Variants in MAP2K5 observed in about 807,000 individuals in gnomAD.
The protein encoded by MAP2K5 is dual specificity mitogen-activated protein kinase kinase 5.
In MAP2K5, 49 loss-of-function variants were observed where a neutral mutation model predicts 83.1. The observed-to-expected ratio is 0.59, with a 90% CI of 0.47 to 0.75. The LOEUF is 0.75. Ranked by LOEUF, MAP2K5 falls within the 30% of genes least tolerant of loss-of-function variation. MAP2K5 has a pLI of 0.00. For synonymous variants in MAP2K5, 202 were observed against 191.8 expected (o/e 1.05, Z -0.44); for missense variants, 457 against 557.5 (o/e 0.82, Z 1.82).
intron 5 of MAP2K5, among the ~76,000 whole-genome samples, 170 bp from the exon 6 acceptor site, chr15:67,586,676 G>A (rs1422887897): frequency 6.6e-6 from 1 of 152,038 alleles, no homozygotes; most frequent in Non-Finnish European, 1.5e-5. Flanking sequence ...GTAATGTATG[G>A]GTTATACGGT....
chr15:67,748,118 C>A lies in MAP2K5; in HGVS notation c.1075-113C>A. ...ATTTTCATTATGTAAATTGTGTTAACACATGCCCACAAATTGCCACCAGCA... is the reference window on the plus strand; with the variant it reads ...ATTTTCATTATGTAAATTGTGTTAAAACATGCCCACAAATTGCCACCAGCA... On this transcript the variant is annotated intron_variant, in intron 17 of 21. Transcript: ENST00000178640. The surrounding 1 kb of genome is among the most constrained non-coding windows in gnomAD (Gnocchi z 4.0). 1.4e-6 allele frequency: 1 copy of A among 723,730 alleles called. No individual in the cohort carries two copies. The highest frequency in any genetic ancestry group is 2.5e-6 in the Non-Finnish European group (1 of 400,058). 44.8% of individuals were successfully genotyped at this position (723,730 alleles called of 1,614,324 possible).
At chr15:67,613,611 A>G (rs1489052735) in intron 8 of MAP2K5, among the ~76,000 whole-genome samples, 1 of 152,182 alleles carries the variant, frequency 6.6e-6, no homozygotes, top group Non-Finnish European at 1.5e-5. Context: ...GGTCTTGATT[A>G]AAATAAATCT....
rs769901653 is a variant in MAP2K5 at position 67,543,321 on chromosome 15, C to T, written c.-15C>T. ...GGTTTCCCATACCCCAGGATGTGAG[C>T]CTCTTTAACCTGTAATGCTGTGGCT... On this transcript the variant is annotated 5_prime_UTR_variant, in exon 1 of 22. Coordinates refer to ENST00000178640, the MANE Select transcript of MAP2K5 (RefSeq NM_145160.3). This position sits in a 1 kb window ranked among gnomAD's most constrained non-coding sequence, Gnocchi z 4.3. The T allele has an allele frequency of 1.9e-6, 3 of 1,614,100 alleles. No individual in the cohort carries two copies. The highest frequency in any genetic ancestry group is 3.3e-5 in the Admixed American group (2 of 60,026).
intron 17 of MAP2K5, among the ~76,000 whole-genome samples, chr15:67,742,948 T>C (rs4776968): frequency 0.98 from 149,197 of 152,278 alleles, 73,169 homozygotes; most frequent in East Asian, 1. Context: ...AATAATGTTT[T>C]GCTGTACCTC....
At chr15:67,548,701 C>G (rs1013152366) in intron 1 of MAP2K5, among the ~76,000 whole-genome samples, 1 of 152,162 alleles carries the variant, frequency 6.6e-6, no homozygotes, top group Non-Finnish European at 1.5e-5. Context: ...TCTGTACTCC[C>G]TTTACAGTTT....
chr15:67,674,264 G>A (rs1191564403), intron 13 of MAP2K5, among the ~76,000 whole-genome samples: 2 of 152,132 alleles, frequency 1.3e-5, no homozygotes, highest in Non-Finnish European at 2.9e-5. Flanking sequence ...TAGTATGTGC[G>A]TTCTTCCTTC....
At chr15:67,615,412 G>A (rs550595030) in intron 8 of MAP2K5, among the ~76,000 whole-genome samples, 1 of 152,238 alleles carries the variant, frequency 6.6e-6, no homozygotes, top group East Asian at 1.9e-4. Flanking sequence ...TTACATAAAA[G>A]CTTCTTTTTA....
intron 16 of MAP2K5, among the ~76,000 whole-genome samples, chr15:67,704,835 A>G (rs2088511243): frequency 6.6e-6 from 1 of 152,188 alleles, no homozygotes. Context: ...AATTGTTATC[A>G]TTTATTTTAT....
intron 19 of MAP2K5, among the ~76,000 whole-genome samples, chr15:67,751,353 G>A (rs565058834): frequency 1.3e-5 from 2 of 152,302 alleles, no homozygotes; most frequent in East Asian, 3.9e-4. Flanking sequence ...TCGCTGGCTA[G>A]CTCAGGTATA....
chr15:67,595,143 A>G lies in MAP2K5; in HGVS notation c.480+2169A>G, dbSNP rs149472342. Among the ~76,000 whole-genome samples, 28 of 152,320 alleles carry G rather than the reference A, an allele frequency of 1.8e-4. No individual in the cohort carries two copies. In the East Asian group the frequency reaches 5.0e-3, roughly 27 times the overall value. ...TCATATTAATCATTAAAAGAAAGGG[A>G]CATGATTCTTCAAGATAATCAAATA... is the stretch of plus-strand genomic sequence containing the variant. On this transcript the variant is annotated intron_variant, in intron 7 of 21. Coordinates refer to ENST00000178640, the MANE Select transcript of MAP2K5 (RefSeq NM_145160.3).
Position 67,705,492 on chromosome 15 carries a change from T to C in MAP2K5, c.1044+2084T>C, listed in dbSNP as rs942836858. ...GCTCATGCCCATAATCCCAACACTT[T>C]GGGAGGCTGAGGTGGGCAGATCACC... On this transcript the variant is annotated intron_variant, in intron 16 of 21. Coordinates refer to ENST00000178640, the MANE Select transcript of MAP2K5 (RefSeq NM_145160.3). Among the ~76,000 whole-genome samples the C allele has an allele frequency of 2.6e-5, 4 of 152,128 alleles. No individual in the cohort carries two copies. In the East Asian group the frequency reaches 7.7e-4, roughly 29 times the overall value.
rs954702326 is a variant in MAP2K5, at chr15:67,783,470, C to T, written c.1242+10718C>T. Among the ~76,000 whole-genome samples the T allele has an allele frequency of 6.6e-6, 1 of 152,168 alleles. No individual in the cohort carries two copies. The highest frequency in any genetic ancestry group is 1.5e-5 in the Non-Finnish European group (1 of 68,036). The stretch of plus-strand genomic sequence containing the variant: ...ATGGTGAACTTCTCCACCTCCGAAA[C>T]CCAACTGGCACAACCTCTGTGAAGC... On this transcript the variant is annotated intron_variant, in intron 21 of 21. Transcript: ENST00000178640. This position sits in a 1 kb window ranked among gnomAD's most constrained non-coding sequence, Gnocchi z 5.1.
chr15:67,730,647 C>A (rs187729647), intron 17 of MAP2K5, among the ~76,000 whole-genome samples: 6 of 152,330 alleles, frequency 3.9e-5, no homozygotes, highest in Admixed American at 1.3e-4. Context: ...TCCTAAGTGT[C>A]ACTCACTAGT....
intron 15 of MAP2K5, among the ~76,000 whole-genome samples, chr15:67,701,078 G>C (rs1172019437): frequency 6.6e-6 from 1 of 152,036 alleles, no homozygotes; most frequent in African/African-American, 2.4e-5. Context: ...TTTTGTGTGT[G>C]TGCGTGTTTT....
At chr15:67,600,644 C>G in intron 7 of MAP2K5, 41 bp from the exon 8 acceptor site, 1 of 1,526,590 alleles carries the variant, frequency 6.6e-7, no homozygotes, top group Non-Finnish European at 9.0e-7. Context: ...TTTCCATCCA[C>G]AGCATGACAC....
chr15:67,700,974 T>C (rs938880), intron 15 of MAP2K5, among the ~76,000 whole-genome samples: 149,267 of 151,944 alleles, frequency 0.98, 73,387 homozygotes, highest in Middle Eastern at 1. Flanking sequence ...CAGCTTACAG[T>C]TTGCATTTGT....
intron 13 of MAP2K5, among the ~76,000 whole-genome samples, chr15:67,673,777 A>T (rs1331911279): frequency 6.6e-6 from 1 of 152,228 alleles, no homozygotes; most frequent in African/African-American, 2.4e-5. Context: ...GTTTGTGATT[A>T]ACTATATACA....
At chr15:67,622,400 C>T (rs1332786625) in intron 8 of MAP2K5, among the ~76,000 whole-genome samples, 1 of 152,056 alleles carries the variant, frequency 6.6e-6, no homozygotes, top group African/African-American at 2.4e-5. Context: ...AGGTAACTAA[C>T]CAGGGCCCAG....
chr15:67,547,759 G>C (rs1806482), intron 1 of MAP2K5, among the ~76,000 whole-genome samples: 1 of 151,948 alleles, frequency 6.6e-6, no homozygotes, highest in Admixed American at 6.6e-5. Flanking sequence ...GCCCATCCCG[G>C]TTTTCTTTTG....
Sources: gnomAD v4.1 joint callset for allele counts (sites outside exome capture counted in the v4.1 genomes callset) on GRCh38, gnomAD v4.1.1 for gene constraint, Gnocchi (gnomAD v3.1) non-coding constraint, MANE v1.5 for transcripts, NCBI Gene and HGNC (gene_info 2026-07-23, HGNC 2026-07-21) for gene names.